TBL1X: variants seen among roughly 807,000 people sequenced by gnomAD.
The protein encoded by TBL1X is transducin beta like 1 X-linked.
TBL1X carries 10 observed loss-of-function variants against 50.7 expected under a neutral mutation model. The observed-to-expected ratio is 0.20, with a 90% CI of 0.12 to 0.33. The LOEUF is 0.33. Among genes scored for constraint, TBL1X ranks in the 10% least tolerant of loss-of-function variants. TBL1X has a pLI of 1.00. For synonymous variants in TBL1X, 190 were observed against 214.7 expected, an observed-to-expected ratio of 0.88 and a Z score of 1.01; for missense variants, 340 against 504.4, an observed-to-expected ratio of 0.67 and a Z score of 3.12.
At chrX:9,682,362 G>A (rs1465422438) in intron 5 of TBL1X, among the ~76,000 whole-genome samples, 2 of 112,188 alleles carry the variant, frequency 1.8e-5, no homozygotes, top group East Asian at 5.6e-4. Flanking sequence ...CCTAATGTAG[G>A]CAGTTATAGT....
At chrX:9,684,353 G>A (rs1292156433) in intron 6 of TBL1X, among the ~76,000 whole-genome samples, 165 bp downstream of exon 6, 1 of 110,849 alleles carries the variant, frequency 9.0e-6, no homozygotes, top group Non-Finnish European at 1.9e-5. Flanking sequence ...GGGAGGCCGA[G>A]GCAGGAAGTC....
At chrX:9,578,085 G>A (rs1168512798) in intron 2 of TBL1X, among the ~76,000 whole-genome samples, 2 of 111,639 alleles carry the variant, frequency 1.8e-5, no homozygotes, top group Non-Finnish European at 3.8e-5. Context: ...TCCACTCGTG[G>A]GAGATCGATA....
chrX:9,670,138 C>T (rs755320837), intron 5 of TBL1X, among the ~76,000 whole-genome samples: 21 of 111,501 alleles, frequency 1.9e-4, no homozygotes, highest in Admixed American at 6.6e-4. Context: ...GCCATTATGC[C>T]GGCAGTCAAG....
chrX:9,480,298 A>G (rs996015330), intron 1 of TBL1X, among the ~76,000 whole-genome samples: 5 of 111,970 alleles, frequency 4.5e-5, no homozygotes, highest in African/African-American at 1.3e-4. Flanking sequence ...AAAGCATGGG[A>G]ATATGGTTTT....
At chrX:9,682,983 A>C (rs1398016634) in intron 5 of TBL1X, among the ~76,000 whole-genome samples, 1 of 111,426 alleles carries the variant, frequency 9.0e-6, no homozygotes, top group Non-Finnish European at 1.9e-5. Flanking sequence ...TCCTCACACG[A>C]GATCCCCCCA....
At chrX:9,542,603 A>G (rs2082220330) in intron 2 of TBL1X, among the ~76,000 whole-genome samples, 1 of 111,398 alleles carries the variant, frequency 9.0e-6, no homozygotes, top group South Asian at 3.8e-4. Flanking sequence ...AGACTGGAGC[A>G]GGAGCGGGCA....
intron 2 of TBL1X, among the ~76,000 whole-genome samples, chrX:9,576,900 T>C (rs2082415494): frequency 9.1e-6 from 1 of 109,766 alleles, no homozygotes; most frequent in African/African-American, 3.3e-5. Context: ...CTTGGGAGGC[T>C]GAGGTGGGAG....
intron 5 of TBL1X, among the ~76,000 whole-genome samples, chrX:9,672,463 A>G (rs2082965780): frequency 8.9e-6 from 1 of 111,857 alleles, no homozygotes; most frequent in African/African-American, 3.3e-5. Context: ...TCTTCCCCGA[A>G]GTCTCTGTAC....
Position 9,545,000 on chromosome X carries a change from CTTTTTTTT to C in TBL1X, c.-131+43168_-131+43175del, listed in dbSNP as rs34726098. ...GGTTTATGTAGTTATTTTCCCCCCA[CTTTTTTTT>C]TTTTTTTTTTTTTTTTGAAATGGAG... is the stretch of plus-strand genomic sequence containing the variant. On this transcript the variant is annotated intron_variant, in intron 2 of 17. Transcript: ENST00000645353. Among the ~76,000 whole-genome samples the C allele has an allele frequency of 6.7e-4, 48 of 71,753 alleles. 2 individuals are homozygous for C. The South Asian group carries it at 0.018, about 26-fold the overall frequency. The allele number at this position is 71,753 out of a possible 115,157, so 62.3% of individuals were successfully genotyped here. A position where few individuals can be genotyped will look rare whatever the true frequency, so the allele number is the denominator to read the frequency against.
intron 2 of TBL1X, among the ~76,000 whole-genome samples, chrX:9,623,977 G>A (rs991111076): frequency 8.9e-6 from 1 of 112,097 alleles, no homozygotes; most frequent in African/African-American, 3.2e-5. Flanking sequence ...CTTATTTCAG[G>A]TACATTTCCT....
intron 7 of TBL1X, among the ~76,000 whole-genome samples, chrX:9,690,416 A>G (rs1370446790): frequency 1.8e-5 from 2 of 111,090 alleles, no homozygotes; most frequent in Admixed American, 1.9e-4. Flanking sequence ...TCTTCTCTCC[A>G]TGTCTTCACG....
At chrX:9,624,244 T>C (rs1011886540) in intron 2 of TBL1X, among the ~76,000 whole-genome samples, 1 of 112,565 alleles carries the variant, frequency 8.9e-6, no homozygotes, top group Non-Finnish European at 1.9e-5. Flanking sequence ...GTTGTTGTTG[T>C]TTTTGCAAAG....
intron 2 of TBL1X, among the ~76,000 whole-genome samples, chrX:9,634,672 A>G (rs747158142): frequency 4.2e-4 from 47 of 110,996 alleles, no homozygotes; most frequent in Middle Eastern, 4.7e-3. Context: ...TAATAACTTT[A>G]TGTAACCCGG....
chrX:9,507,580 A>G (rs1242792668), intron 2 of TBL1X, among the ~76,000 whole-genome samples: 2 of 112,377 alleles, frequency 1.8e-5, no homozygotes, highest in African/African-American at 6.5e-5. Context: ...TCACAGAATT[A>G]GGAAAACCTA....
intron 2 of TBL1X, among the ~76,000 whole-genome samples, chrX:9,514,712 C>T (rs2082073189): frequency 8.9e-6 from 1 of 112,366 alleles, no homozygotes; most frequent in Non-Finnish European, 1.9e-5. Context: ...CAGGAAAACC[C>T]AGGAAATCCA....
intron 1 of TBL1X, among the ~76,000 whole-genome samples, chrX:9,475,435 GTGGTTTCACCATGT>G (rs1205098257): frequency 1.8e-5 from 2 of 109,735 alleles, no homozygotes; most frequent in Admixed American, 2.0e-4. Context: ...TAGTAGAGAT[GTGGTTTCACCATGT>G]TGGCCAGGCT....
At chrX:9,513,681 T>G (rs2082067942) in intron 2 of TBL1X, among the ~76,000 whole-genome samples, 1 of 111,043 alleles carries the variant, frequency 9.0e-6, no homozygotes, top group African/African-American at 3.3e-5. Context: ...TGTCACAGCT[T>G]GGGGAGGGAG....
At chrX:9,675,382 C>T (rs1336206755) in intron 5 of TBL1X, among the ~76,000 whole-genome samples, 1 of 111,822 alleles carries the variant, frequency 8.9e-6, no homozygotes, top group East Asian at 2.8e-4. Context: ...ACACGGGAAC[C>T]TGTCCAGTTA....
chrX:9,674,673 C>T (rs747246112), intron 5 of TBL1X, among the ~76,000 whole-genome samples: 3 of 21,512 alleles, frequency 1.4e-4, no homozygotes, highest in Non-Finnish European at 2.6e-4. Flanking sequence ...ATGATCCTCC[C>T]GCCTCAGCCC....
Sources: gnomAD v4.1 joint callset for allele counts (sites outside exome capture counted in the v4.1 genomes callset) on GRCh38, gnomAD v4.1.1 for gene constraint, MANE v1.5 for transcripts, NCBI Gene and HGNC (gene_info 2026-07-23, HGNC 2026-07-21) for gene names.